The following FBLN5 variants were observed in gnomAD, a reference collection of about 807,000 sequenced individuals.
FBLN5 encodes the protein fibulin-5.
Under a neutral mutation model 61.6 loss-of-function variants are expected in FBLN5, and 24 were observed. The ratio of observed to expected loss-of-function variants is 0.39; its 90% CI spans 0.28 to 0.55. The LOEUF is 0.55. Among genes scored for constraint, FBLN5 ranks in the 20% least tolerant of loss-of-function variants. FBLN5 has a pLI of 0.65. For missense variants in FBLN5, 470 were observed against 594.1 expected, an observed-to-expected ratio of 0.79 and a Z score of 2.17; for synonymous variants, 213 against 219.8, an observed-to-expected ratio of 0.97 and a Z score of 0.27.
rs2056092863 is a variant in FBLN5, at chr14:91,940,775, C to T, written c.73-159G>A. ...CCTATTTGTTCTTCTAAAATTTTTCCTTGTAATTATTTTATACTTAGAACT... is the reference window on the plus strand; with the variant it reads ...CCTATTTGTTCTTCTAAAATTTTTCTTTGTAATTATTTTATACTTAGAACT... On this transcript the variant is annotated intron_variant, in intron 2 of 10. Coordinates refer to ENST00000342058, the MANE Select transcript of FBLN5 (RefSeq NM_006329.4). 1.3e-5 allele frequency among the ~76,000 whole-genome samples: 2 copies of T among 151,996 alleles called. 1 individual carries two copies. The highest frequency in any genetic ancestry group is 4.2e-4 in the South Asian group (2 of 4,814).
intron 4 of FBLN5, among the ~76,000 whole-genome samples, chr14:91,924,340 T>G (rs1229976974): frequency 6.6e-6 from 1 of 152,224 alleles, no homozygotes; most frequent in Non-Finnish European, 1.5e-5. Flanking sequence ...CATATATAAT[T>G]CACTCATGTA....
In FBLN5 at chr14:91,875,732, AG is replaced by A. The variant is rs982104591; in HGVS notation, c.1185+1754del. Among the ~76,000 whole-genome samples, 3 of 152,304 alleles carry A rather than the reference AG, an allele frequency of 2.0e-5. No homozygotes were observed. In the East Asian group the frequency reaches 5.8e-4, roughly 29 times the overall value. On this transcript the variant is annotated intron_variant, in intron 10 of 10. Transcript: ENST00000342058. ...CACTACCATTACCGGGAGGGTGACA[AG>A]AGGACAGGGCAGAGGCCAACCACAC...
chr14:91,934,143 T>C (rs1212527435), intron 4 of FBLN5, among the ~76,000 whole-genome samples: 3 of 152,082 alleles, frequency 2.0e-5, no homozygotes, highest in African/African-American at 7.2e-5. Flanking sequence ...GAGGCAGAGG[T>C]TGCAGTGATT....
Position 91,887,293 on chromosome 14 carries a change from G to A in FBLN5, c.639C>T (p.Thr213=), listed in dbSNP as rs753386917. 31 of 1,613,178 alleles carry A rather than the reference G, an allele frequency of 1.9e-5. No individual in the cohort carries two copies. In the South Asian group the frequency reaches 2.1e-4, roughly 11 times the overall value. ...RSCQDVNECA[T]ENPCVQTCVN... is the part of the protein sequence containing the mutation. ...CGCAGGTTTGCACGCAGGGGTTCTCGGTGGCACACTCGTTCACATCTGTGG... is the reference window on the plus strand; with the variant it reads ...CGCAGGTTTGCACGCAGGGGTTCTCAGTGGCACACTCGTTCACATCTGTGG... Residue 213 remains threonine (T), a synonymous_variant, in exon 7 of 11, where the codon ACC becomes ACT. Coordinates refer to ENST00000342058, the MANE Select transcript of FBLN5 (RefSeq NM_006329.4).
rs1457039963 is a variant in FBLN5 at position 91,943,437 on chromosome 14, G to C, written c.18-476C>G. 6.6e-6 allele frequency among the ~76,000 whole-genome samples: 1 copy of C among 151,906 alleles called. No individual in the cohort carries two copies. Among genetic ancestry groups the C allele is most frequent in the African/African-American group, 2.4e-5 (1 of 41,340 alleles). Reference sequence around the variant, plus strand: ...GAGGTGGGATCACCTGAGCCCAGGGGGTTTGAGGCTGCAGTGAGCTGAGAT... The same window carrying C: ...GAGGTGGGATCACCTGAGCCCAGGGCGTTTGAGGCTGCAGTGAGCTGAGAT... On this transcript the variant is annotated intron_variant, in intron 1 of 10. Coordinates refer to ENST00000342058, the MANE Select transcript of FBLN5 (RefSeq NM_006329.4). The surrounding 1 kb of genome is among the most constrained non-coding windows in gnomAD (Gnocchi z 4.0).
At chr14:91,923,080 T>C (rs1248433710) in intron 4 of FBLN5, among the ~76,000 whole-genome samples, 4 of 152,142 alleles carry the variant, frequency 2.6e-5, no homozygotes, top group Non-Finnish European at 4.4e-5. Flanking sequence ...CTTCACCTGG[T>C]TGTCATAAGC....
chr14:91,939,920 A>T, intron 3 of FBLN5: 1 of 453,296 alleles, frequency 2.2e-6, no homozygotes, highest in Non-Finnish European at 4.4e-6. Context: ...TTAAAAGTAG[A>T]AGAAGAAGAG....
intron 4 of FBLN5, among the ~76,000 whole-genome samples, chr14:91,906,854 C>T (rs726063): frequency 0.083 from 12,637 of 152,210 alleles, 624 homozygotes; most frequent in Non-Finnish European, 0.11. Context: ...TATACCAGTG[C>T]GGCAACACTG....
Position 91,921,083 on chromosome 14 carries a change from C to A in FBLN5, c.379+15864G>T, listed in dbSNP as rs566628232. On this transcript the variant is annotated intron_variant, in intron 4 of 10. Coordinates refer to ENST00000342058, the MANE Select transcript of FBLN5 (RefSeq NM_006329.4). ...TTAATTCTCTTACCCAGATGTCCTG[C>A]GGCTTCGTTGGAATTCTGAACCCAG... Among the ~76,000 whole-genome samples, 4 of 152,310 alleles carry A rather than the reference C, an allele frequency of 2.6e-5. No individual in the cohort carries two copies. The South Asian group carries it at 8.3e-4, about 32-fold the overall frequency.
Position 91,943,351 on chromosome 14 carries a change from T to TA in FBLN5, c.18-391dup, listed in dbSNP as rs888095051. Among the ~76,000 whole-genome samples the TA allele has an allele frequency of 1.3e-4, 20 of 149,438 alleles. No homozygotes were observed. The highest frequency in any genetic ancestry group is 4.3e-4 in the South Asian group (2 of 4,696). ...TGGTGAAACCCCATTTCTACAAAAT[T>TA]AAAAAAAAAATTAACTGGGCATGAT... On this transcript the variant is annotated intron_variant, in intron 1 of 10. Coordinates refer to ENST00000342058, the MANE Select transcript of FBLN5 (RefSeq NM_006329.4). The surrounding 1 kb of genome is among the most constrained non-coding windows in gnomAD (Gnocchi z 4.0).
chr14:91,923,582 T>C (rs746737463), intron 4 of FBLN5, among the ~76,000 whole-genome samples: 3 of 152,206 alleles, frequency 2.0e-5, no homozygotes, highest in Admixed American at 6.5e-5. Context: ...GAAATCCTAT[T>C]CAATCCTGCA....
intron 3 of FBLN5, among the ~76,000 whole-genome samples, chr14:91,938,805 A>T (rs1175397454): frequency 6.6e-6 from 1 of 152,188 alleles, no homozygotes; most frequent in African/African-American, 2.4e-5. Flanking sequence ...CCAGCATCTC[A>T]TCTGAGAAAC....
chr14:91,927,643 A>G (rs2055851547), intron 4 of FBLN5, among the ~76,000 whole-genome samples: 1 of 152,242 alleles, frequency 6.6e-6, no homozygotes, highest in South Asian at 2.1e-4. Flanking sequence ...GACATGTGCT[A>G]AACAGTCAGC....
chr14:91,914,442 C>T (rs1273889927), intron 4 of FBLN5, among the ~76,000 whole-genome samples: 2 of 131,544 alleles, frequency 1.5e-5, no homozygotes, highest in Non-Finnish European at 3.1e-5. Flanking sequence ...CATGCCACTG[C>T]ACTCCAGCCT....
At chr14:91,936,248 T>C (rs2140046429) in intron 4 of FBLN5, among the ~76,000 whole-genome samples, 1 of 152,364 alleles carries the variant, frequency 6.6e-6, no homozygotes, top group South Asian at 2.1e-4. Flanking sequence ...TCAATTCATA[T>C]ATATTTTTTC....
chr14:91,917,575 C>CAAAAA (rs34458933), intron 4 of FBLN5, among the ~76,000 whole-genome samples: 62 of 63,402 alleles, frequency 9.8e-4, no homozygotes, highest in East Asian at 1.6e-3. Context: ...GACTCCATCT[C>CAAAAA]AAAAAAAAAA....
chr14:91,903,027 A>G (rs1169260160), intron 4 of FBLN5, among the ~76,000 whole-genome samples: 6 of 152,140 alleles, frequency 3.9e-5, no homozygotes, highest in African/African-American at 1.4e-4. Context: ...CCTCAGCATC[A>G]CACAAAATAC....
chr14:91,923,941 C>A (rs550713279), intron 4 of FBLN5, among the ~76,000 whole-genome samples: 42 of 152,222 alleles, frequency 2.8e-4, no homozygotes, highest in Non-Finnish European at 5.3e-4. Context: ...TGTCCCATAC[C>A]TACGTTCGTT....
At chr14:91,932,245 A>C (rs2055936847) in intron 4 of FBLN5, among the ~76,000 whole-genome samples, 1 of 152,226 alleles carries the variant, frequency 6.6e-6, no homozygotes, top group Non-Finnish European at 1.5e-5. Flanking sequence ...CTCGTGGACT[A>C]TAATTCCTAG....
Sources: gnomAD v4.1 joint callset for allele counts (sites outside exome capture counted in the v4.1 genomes callset) on GRCh38, gnomAD v4.1.1 for gene constraint, Gnocchi (gnomAD v3.1) non-coding constraint, MANE v1.5 for transcripts, NCBI Gene and HGNC (gene_info 2026-07-23, HGNC 2026-07-21) for gene names.